Variants in CSMD3 observed in about 807,000 individuals in gnomAD.
CSMD3 encodes the protein CUB and sushi domain-containing protein 3.
Under a neutral mutation model 435.2 loss-of-function variants are expected in CSMD3, and 177 were observed. That is an observed-to-expected ratio of 0.41 (90% CI 0.36 to 0.46). The LOEUF (loss-of-function observed/expected upper bound fraction) is 0.46, where lower values mean the gene tolerates loss of function less well. CSMD3 is among the 20% of genes least tolerant of loss of function. The pLI is 0.34. For synonymous variants in CSMD3, 1,656 were observed against 1,520.5 expected (o/e 1.09, Z -2.07); for missense variants, 4,265 against 4,504.6 (o/e 0.95, Z 1.52).
chr8:112,714,679 A>G (rs2076684482), intron 13 of CSMD3, among the ~76,000 whole-genome samples: 1 of 152,198 alleles, frequency 6.6e-6, no homozygotes, highest in Non-Finnish European at 1.5e-5. Flanking sequence ...TTAGAAGTAA[A>G]GCTCCTCCGC....
chr8:112,936,157 T>G (rs2130737541), intron 9 of CSMD3, among the ~76,000 whole-genome samples: 1 of 152,158 alleles, frequency 6.6e-6, no homozygotes, highest in African/African-American at 2.4e-5. Flanking sequence ...AGTGACTTTA[T>G]ATTTCCCTTC....
intron 10 of CSMD3, among the ~76,000 whole-genome samples, chr8:112,896,664 A>G (rs1443828347): frequency 2.0e-5 from 3 of 151,412 alleles, no homozygotes. Flanking sequence ...TCTTGTCTGG[A>G]CAATGTTTGG....
At chr8:112,938,910 T>C (rs1244312316) in intron 9 of CSMD3, among the ~76,000 whole-genome samples, 1 of 152,258 alleles carries the variant, frequency 6.6e-6, no homozygotes, top group South Asian at 2.1e-4. Context: ...TTCTGGTATG[T>C]GAGTTTACTC....
intron 32 of CSMD3, among the ~76,000 whole-genome samples, chr8:112,463,083 C>G (rs1009121767): frequency 6.6e-6 from 1 of 152,132 alleles, no homozygotes; most frequent in Non-Finnish European, 1.5e-5. Context: ...CAGGGCTGGG[C>G]GCAGTGGCTC....
intron 4 of CSMD3, among the ~76,000 whole-genome samples, chr8:113,169,617 A>T (rs180945148): frequency 6.6e-6 from 1 of 152,296 alleles, no homozygotes; most frequent in East Asian, 1.9e-4. Context: ...TTAAATCTTA[A>T]TATGTTAACT....
chr8:112,323,521 G>C (rs1823208320), intron 45 of CSMD3, among the ~76,000 whole-genome samples: 1 of 152,020 alleles, frequency 6.6e-6, no homozygotes, highest in Non-Finnish European at 1.5e-5. Context: ...AATATGACTA[G>C]TGTCCCTATA....
chr8:113,173,753 A>C lies in CSMD3; in HGVS notation c.678T>G (p.Ala226=), dbSNP rs774768337. ...LTCIANSVNT[A]SWDFPVPICR... is the part of the protein sequence containing the mutation. The stretch of plus-strand genomic sequence containing the variant: ...AGATAGGAACAGGAAAATCCCACGA[A>C]GCTGTATTAACTGAATTGGCTATGC... The change falls in exon 4 of 71, where the codon GCT becomes GCG. Residue 226 remains alanine (A), a synonymous_variant. Transcript: ENST00000297405. 4 of 1,613,520 alleles carry C rather than the reference A, an allele frequency of 2.5e-6. No individual in the cohort carries two copies. The highest frequency in any genetic ancestry group is 3.4e-6 in the Non-Finnish European group (4 of 1,179,634).
In CSMD3 at chr8:112,584,464, T is replaced by C. The variant is rs138758176; in HGVS notation, c.3885+2602A>G. 1.4e-3 allele frequency among the ~76,000 whole-genome samples: 209 copies of C among 151,786 alleles called. 3 individuals carry two copies. The highest frequency in any genetic ancestry group is 4.8e-3 in the African/African-American group (201 of 41,468). On this transcript the variant is annotated intron_variant, in intron 23 of 70. Transcript: ENST00000297405. ...GAGAAGAAAAAAGACAGCAGATAAG[T>C]GAGCAAGTGAGTGCCATCCTGGACA...
intron 2 of CSMD3, among the ~76,000 whole-genome samples, chr8:113,292,233 T>C (rs1392037621): frequency 6.6e-6 from 1 of 151,548 alleles, no homozygotes; most frequent in Non-Finnish European, 1.5e-5. Flanking sequence ...ATGACAAGAA[T>C]GTAAAATAAA....
At chr8:113,004,104 G>A (rs72683818) in intron 6 of CSMD3, among the ~76,000 whole-genome samples, 3,639 of 151,894 alleles carry the variant, frequency 0.024, 68 homozygotes, top group South Asian at 0.033. Context: ...GACCTTTTTC[G>A]TAAAGTTTTC....
intron 1 of CSMD3, among the ~76,000 whole-genome samples, chr8:113,381,829 T>A (rs972882166): frequency 1.3e-5 from 2 of 152,168 alleles, no homozygotes; most frequent in African/African-American, 4.8e-5. Flanking sequence ...CATACAGAGA[T>A]AACCTATGCT....
intron 3 of CSMD3, among the ~76,000 whole-genome samples, chr8:113,229,562 A>G (rs1400873947): frequency 6.6e-6 from 1 of 151,592 alleles, no homozygotes; most frequent in Non-Finnish European, 1.5e-5. Flanking sequence ...ACTTGGGCAT[A>G]TTGCCAAAGA....
chr8:112,283,513 A>G (rs1818872523), intron 58 of CSMD3, among the ~76,000 whole-genome samples: 1 of 151,686 alleles, frequency 6.6e-6, no homozygotes, highest in Non-Finnish European at 1.5e-5. Context: ...TAATATGAAT[A>G]TAATTATTTC....
chr8:112,465,021 A>G (rs1194463439), intron 32 of CSMD3, among the ~76,000 whole-genome samples: 1 of 152,100 alleles, frequency 6.6e-6, no homozygotes, highest in Non-Finnish European at 1.5e-5. Flanking sequence ...ACAAATTAGG[A>G]CTCTATGGAC....
At chr8:112,323,620 A>C (rs567732842) in intron 45 of CSMD3, among the ~76,000 whole-genome samples, 1 of 152,188 alleles carries the variant, frequency 6.6e-6, no homozygotes, top group East Asian at 1.9e-4. Context: ...CTATAAGCTA[A>C]GGAATGCCAA....
chr8:113,285,736 T>C (rs1175489721), intron 2 of CSMD3, among the ~76,000 whole-genome samples: 1 of 152,202 alleles, frequency 6.6e-6, no homozygotes, highest in African/African-American at 2.4e-5. Context: ...ACCAATAAAG[T>C]ATTAAACTGT....
At chr8:113,402,355 C>G (rs992906092) in intron 1 of CSMD3, among the ~76,000 whole-genome samples, 3 of 151,434 alleles carry the variant, frequency 2.0e-5, no homozygotes, top group Non-Finnish European at 3.0e-5. Context: ...ACCTGAATCT[C>G]TTGGCAAAAT....
At chr8:113,307,930 T>G (rs1194307580) in intron 2 of CSMD3, among the ~76,000 whole-genome samples, 5 of 152,282 alleles carry the variant, frequency 3.3e-5, no homozygotes, top group Admixed American at 3.3e-4. Flanking sequence ...TCTTATGATA[T>G]TAAATCTATA....
chr8:112,782,749 A>AG (rs2078423691), intron 13 of CSMD3, among the ~76,000 whole-genome samples: 1 of 152,032 alleles, frequency 6.6e-6, no homozygotes, highest in Admixed American at 6.6e-5. Context: ...CTGGAATCAG[A>AG]TTTTTCAGTG....
Sources: gnomAD v4.1 joint callset for allele counts (sites outside exome capture counted in the v4.1 genomes callset) on GRCh38, gnomAD v4.1.1 for gene constraint, MANE v1.5 for transcripts, NCBI Gene and HGNC (gene_info 2026-07-23, HGNC 2026-07-21) for gene names.